The following NALCN variants were observed in gnomAD, a reference collection of about 807,000 sequenced individuals.
NALCN encodes the protein sodium leak channel, non-selective.
A neutral mutation model predicts 225.3 loss-of-function variants in NALCN; 111 were observed. The ratio of observed to expected loss-of-function variants is 0.49; its 90% CI spans 0.42 to 0.58. The LOEUF is 0.58. Among genes scored for constraint, NALCN ranks in the 20% least tolerant of loss-of-function variants. The probability of loss-of-function intolerance (pLI) is 0.00; values close to 1 mark genes in which losing one functional copy is unlikely to be tolerated. For missense variants in NALCN, 1,378 were observed against 2,202.4 expected (o/e 0.63, Z 7.49); for synonymous variants, 764 against 769.0 (o/e 0.99, Z 0.11).
In NALCN at chr13:101,055,097, T is replaced by G; in HGVS notation, c.*198A>C. 1.8e-6 allele frequency: 1 copy of G among 561,384 alleles called. No individual in the cohort carries two copies. Among genetic ancestry groups the G allele is most frequent in the Non-Finnish European group, 3.1e-6 (1 of 319,438 alleles). The allele number at this position is 561,384 out of a possible 1,614,324, so 34.8% of individuals were successfully genotyped here. On this transcript the variant is annotated 3_prime_UTR_variant, in exon 44 of 44. Coordinates refer to ENST00000251127, the MANE Select transcript of NALCN (RefSeq NM_052867.4). ...TCAGTACTGTCATTATACAAAAATT[T>G]TTTTGAGCAATGATTGATAGTAACC...
intron 1 of NALCN, among the ~76,000 whole-genome samples, chr13:101,408,001 T>A (rs2047671097): frequency 6.6e-6 from 1 of 152,188 alleles, no homozygotes; most frequent in African/African-American, 2.4e-5. Flanking sequence ...TCTCTGTTAT[T>A]CTGATTTTAC....
intron 1 of NALCN, among the ~76,000 whole-genome samples, chr13:101,406,151 CAAAAA>C (rs11400384): frequency 1.3e-3 from 152 of 114,552 alleles, no homozygotes; most frequent in African/African-American, 4.1e-3. Context: ...CCCATCTCTA[CAAAAA>C]AAAAAAAAAA....
At chr13:101,224,420 A>T (rs1405264515) in intron 13 of NALCN, among the ~76,000 whole-genome samples, 1 of 152,062 alleles carries the variant, frequency 6.6e-6, no homozygotes, top group African/African-American at 2.4e-5. Context: ...TCTCTTTTTG[A>T]TTGTTTCTTT....
chr13:101,110,734 G>A, intron 19 of NALCN, 46 bp from the exon 20 acceptor site: 1 of 1,589,102 alleles, frequency 6.3e-7, no homozygotes. Context: ...AGATCAAACT[G>A]GCCTTTCAAG....
Position 101,395,354 on chromosome 13 carries a change from A to C in NALCN, c.120T>G (p.Ser40=). 1 of 1,613,732 alleles carries C rather than the reference A, an allele frequency of 6.2e-7. No homozygotes were observed. The highest frequency in any genetic ancestry group is 8.5e-7 in the Non-Finnish European group (1 of 1,179,768). The change falls in exon 3 of 44, where the codon TCT becomes TCG. Residue 40 remains serine, a synonymous_variant. Coordinates refer to ENST00000251127, the MANE Select transcript of NALCN (RefSeq NM_052867.4). ...ILWINKPWVH[S]LLRICAIISV... The stretch of plus-strand genomic sequence containing the variant: ...TGATGATGGCACAGATGCGCAGCAA[A>C]GAGTGAACCCACTGCAATGATGGTC...
At chr13:101,250,358 C>G (rs1317076134) in intron 11 of NALCN, among the ~76,000 whole-genome samples, 1 of 151,942 alleles carries the variant, frequency 6.6e-6, no homozygotes, top group Non-Finnish European at 1.5e-5. Context: ...GTAGCTTGCC[C>G]TAATAGATCT....
chr13:101,364,031 TATC>T (rs1323462766), intron 6 of NALCN, among the ~76,000 whole-genome samples: 1 of 152,044 alleles, frequency 6.6e-6, no homozygotes, highest in Non-Finnish European at 1.5e-5. Context: ...TACAGTGAAA[TATC>T]ATGTCACCCC....
At chr13:101,217,968 A>G (rs1262902238) in intron 13 of NALCN, among the ~76,000 whole-genome samples, 1 of 152,134 alleles carries the variant, frequency 6.6e-6, no homozygotes, top group African/African-American at 2.4e-5. Flanking sequence ...GCTGAGAGAA[A>G]TCTTGTCCAG....
chr13:101,055,985 C>T (rs779322201), intron 43 of NALCN, among the ~76,000 whole-genome samples: 2 of 152,136 alleles, frequency 1.3e-5, no homozygotes, highest in Non-Finnish European at 1.5e-5. Flanking sequence ...GGCAACTTCA[C>T]GTCTCTGAAC....
At chr13:101,138,167 A>G (rs2036896965) in intron 17 of NALCN, among the ~76,000 whole-genome samples, 1 of 152,150 alleles carries the variant, frequency 6.6e-6, no homozygotes, top group Non-Finnish European at 1.5e-5. Context: ...ATTTCCTCCC[A>G]TTGGACTATG....
chr13:101,259,325 A>G (rs1254670700), intron 10 of NALCN, among the ~76,000 whole-genome samples: 2 of 151,762 alleles, frequency 1.3e-5, no homozygotes, highest in Non-Finnish European at 2.9e-5. Flanking sequence ...AATAATGAGT[A>G]TTATTTATTA....
chr13:101,079,061 C>T (rs1180518788), intron 34 of NALCN, among the ~76,000 whole-genome samples: 1 of 152,212 alleles, frequency 6.6e-6, no homozygotes, highest in Non-Finnish European at 1.5e-5. Context: ...GTTTGCTTCC[C>T]TTTCCACCAT....
rs533035837 is a variant in NALCN at position 101,090,472 on chromosome 13, T to G, written c.3270-506A>C. Among the ~76,000 whole-genome samples the G allele has an allele frequency of 2.6e-5, 4 of 152,320 alleles. No homozygotes were observed. The East Asian group carries it at 7.7e-4, about 29-fold the overall frequency. ...GTAGAGTAGAATTTAGTCACTTTAT[T>G]TCACTTTGTGTCATCATGGTGAACA... On this transcript the variant is annotated intron_variant, in intron 28 of 43. Transcript: ENST00000251127.
intron 10 of NALCN, among the ~76,000 whole-genome samples, chr13:101,266,292 G>A (rs59095556): frequency 0.65 from 98,013 of 151,528 alleles, 34,335 homozygotes; most frequent in Non-Finnish European, 0.8. Context: ...GAAATCAGGT[G>A]GAAGAGATTA....
intron 13 of NALCN, among the ~76,000 whole-genome samples, chr13:101,227,480 C>T (rs569778591): frequency 2.6e-5 from 4 of 152,120 alleles, no homozygotes; most frequent in Non-Finnish European, 5.9e-5. Flanking sequence ...CATCTCCTCC[C>T]GTGGAACACT....
chr13:101,090,037 C>T (rs2034140931), intron 28 of NALCN, 71 bp from the exon 29 acceptor site: 3 of 1,603,004 alleles, frequency 1.9e-6, no homozygotes, highest in Admixed American at 1.7e-5. Flanking sequence ...ATCTGTAGCC[C>T]TTTCCAGTCA....
intron 10 of NALCN, among the ~76,000 whole-genome samples, chr13:101,270,003 G>A (rs917363853): frequency 6.6e-6 from 1 of 152,184 alleles, no homozygotes; most frequent in Non-Finnish European, 1.5e-5. Flanking sequence ...TGTCTAGAAA[G>A]AGTAGAAAAA....
At chr13:101,330,679 C>A (rs1166276033) in intron 7 of NALCN, among the ~76,000 whole-genome samples, 1 of 152,184 alleles carries the variant, frequency 6.6e-6, no homozygotes, top group Non-Finnish European at 1.5e-5. Flanking sequence ...TGTTTCCACC[C>A]AAATGTCATC....
chr13:101,175,859 T>C (rs927138860), intron 15 of NALCN, among the ~76,000 whole-genome samples: 1 of 152,224 alleles, frequency 6.6e-6, no homozygotes, highest in African/African-American at 2.4e-5. Context: ...TTATTCTGTT[T>C]CTTATACTCA....
Sources: allele counts gnomAD v4.1 joint callset (sites outside exome capture counted in the v4.1 genomes callset), GRCh38; gene constraint gnomAD v4.1.1; transcripts MANE v1.5; gene names NCBI Gene and HGNC (gene_info 2026-07-23, HGNC 2026-07-21).